Variants in NCOA6 observed in about 807,000 individuals in gnomAD.
The protein encoded by NCOA6 is nuclear receptor coactivator 6.
Under a neutral mutation model 171.4 loss-of-function variants are expected in NCOA6, and 49 were observed. The observed-to-expected ratio is 0.29, with a 90% CI of 0.23 to 0.36. NCOA6 has a LOEUF of 0.36. Among genes scored for constraint, NCOA6 ranks in the 10% least tolerant of loss-of-function variants. The pLI, the probability that NCOA6 is intolerant of heterozygous loss-of-function variation, is 1.00. For missense variants in NCOA6, 2,248 were observed against 2,554.5 expected (o/e 0.88, Z 2.59); for synonymous variants, 910 against 927.5 (o/e 0.98, Z 0.34).
At chr20:34,755,949 C>A (rs1291290793) in intron 7 of NCOA6, among the ~76,000 whole-genome samples, 1 of 152,112 alleles carries the variant, frequency 6.6e-6, no homozygotes, top group Non-Finnish European at 1.5e-5. Context: ...GTTGGCCAGG[C>A]TGGTCTCGAA....
intron 5 of NCOA6, among the ~76,000 whole-genome samples, chr20:34,766,223 A>G (rs946595772): frequency 6.6e-6 from 1 of 152,150 alleles, no homozygotes; most frequent in African/African-American, 2.4e-5. Context: ...ACTTTATACT[A>G]TATACATTAT....
intron 1 of NCOA6, among the ~76,000 whole-genome samples, chr20:34,796,061 A>G (rs976341801): frequency 3.0e-5 from 4 of 131,158 alleles, no homozygotes; most frequent in Admixed American, 2.6e-4. Flanking sequence ...CCTAGGCTAG[A>G]GTGCGGTGGC....
Position 34,736,769 on chromosome 20 carries a change from G to GA in NCOA6, c.5894-12dup, listed in dbSNP as rs750675133. The GA allele has an allele frequency of 3.1e-4, 492 of 1,574,296 alleles. No homozygotes were observed. The highest frequency in any genetic ancestry group is 6.0e-4 in the South Asian group (51 of 85,710). On this transcript the variant is annotated splice_polypyrimidine_tract_variant and intron_variant, in intron 11 of 14. Transcript: ENST00000359003. ...AATTCTGCGACGGGGCTAAGGCAAG[G>GA]AAAAAAAAATTACAGACCTTTTACT...
Position 34,743,293 on chromosome 20 carries a change from GGAGGCATCTGCTGA to G in NCOA6, c.2949_2962del (p.Gln984SerfsTer59). On this transcript the variant is annotated frameshift_variant, in exon 11 of 15. Coordinates refer to ENST00000359003, the MANE Select transcript of NCOA6 (RefSeq NM_014071.5). LOFTEE classifies it high-confidence loss of function. Reference sequence around the variant, plus strand: ...GGGTGCCACATGCTGCATGAGTTGAGGAGGCATCTGCTGAAGTGGCCTCTGTTCAACTGGTTGAG... The same window carrying G: ...GGGTGCCACATGCTGCATGAGTTGAGAGTGGCCTCTGTTCAACTGGTTGAG... 6.2e-7 allele frequency: 1 copy of G among 1,613,428 alleles called. No homozygotes were observed. Among genetic ancestry groups the G allele is most frequent in the Non-Finnish European group, 8.5e-7 (1 of 1,179,616 alleles).
intron 1 of NCOA6, among the ~76,000 whole-genome samples, chr20:34,821,809 G>A (rs1042691256): frequency 1.3e-5 from 2 of 152,028 alleles, no homozygotes; most frequent in Admixed American, 6.6e-5. Flanking sequence ...GGATGGTCTC[G>A]ATCTCCTGAC....
At chr20:34,740,166 A>AG (rs1350043123) in intron 11 of NCOA6, among the ~76,000 whole-genome samples, 197 bp downstream of exon 11, 1 of 152,188 alleles carries the variant, frequency 6.6e-6, no homozygotes, top group African/African-American at 2.4e-5. Context: ...CCTGGCCCTT[A>AG]GCTCTCTTTA....
chr20:34,717,011 A>AT (rs1253774404), intron 14 of NCOA6, among the ~76,000 whole-genome samples: 1 of 152,208 alleles, frequency 6.6e-6, no homozygotes, highest in Non-Finnish European at 1.5e-5. Context: ...ACTAGGCTGA[A>AT]TTTTCTGATA....
At chr20:34,815,601 T>C (rs1220064443) in intron 1 of NCOA6, among the ~76,000 whole-genome samples, 2 of 152,068 alleles carry the variant, frequency 1.3e-5, no homozygotes, top group African/African-American at 2.4e-5. Flanking sequence ...GAAGAATGGT[T>C]TGAAATCAAA....
intron 13 of NCOA6, among the ~76,000 whole-genome samples, chr20:34,730,018 T>A (rs1990420536): frequency 6.6e-6 from 1 of 152,046 alleles, no homozygotes; most frequent in African/African-American, 2.4e-5. Context: ...GGCTAGGAGC[T>A]CAGAAAATGG....
chr20:34,814,416 G>T (rs557294012), intron 1 of NCOA6, among the ~76,000 whole-genome samples: 1 of 152,100 alleles, frequency 6.6e-6, no homozygotes, highest in South Asian at 2.1e-4. Context: ...GAGTATTTTA[G>T]ACTTTGGTTG....
Position 34,776,483 on chromosome 20 carries a change from TC to T in NCOA6, c.236-36del, listed in dbSNP as rs764783985. On this transcript the variant is annotated intron_variant, in intron 3 of 14. Coordinates refer to ENST00000359003, the MANE Select transcript of NCOA6 (RefSeq NM_014071.5). ...GAAAGAAAAAGAATTATATTAATAA[TC>T]TTTTAGCCACCAGAGGAGATGGAAT... is the stretch of plus-strand genomic sequence containing the variant. The T allele has an allele frequency of 3.7e-6, 6 of 1,606,076 alleles. No homozygotes were observed. In the African/African-American group the frequency reaches 5.4e-5, roughly 14 times the overall value.
chr20:34,753,068 A>C (rs1458147383), intron 8 of NCOA6, among the ~76,000 whole-genome samples: 3 of 150,900 alleles, frequency 2.0e-5, no homozygotes, highest in Non-Finnish European at 4.4e-5. Context: ...TTTGAGATGA[A>C]GTCTCTCTCT....
intron 14 of NCOA6, among the ~76,000 whole-genome samples, chr20:34,721,595 T>C (rs1241636778): frequency 6.6e-6 from 1 of 152,152 alleles, no homozygotes; most frequent in Non-Finnish European, 1.5e-5. Context: ...CAGTTTACAG[T>C]AGGGTTCACA....
intron 3 of NCOA6, chr20:34,776,655 C>A: frequency 1.5e-6 from 1 of 676,000 alleles, no homozygotes; most frequent in Non-Finnish European, 2.6e-6. Context: ...GCTATTTAAC[C>A]TTTCTGAAAC....
rs182942444 is a variant in NCOA6 at position 34,791,855 on chromosome 20, T to C, written c.-50+595A>G. Among the ~76,000 whole-genome samples the C allele has an allele frequency of 6.9e-4, 105 of 152,258 alleles. 1 individual carries two copies. The highest frequency in any genetic ancestry group is 2.4e-3 in the African/African-American group (99 of 41,550). On this transcript the variant is annotated intron_variant, in intron 2 of 14. Coordinates refer to ENST00000359003, the MANE Select transcript of NCOA6 (RefSeq NM_014071.5). ...GGGCAGGGAGATGATGCAAAAATGT[T>C]CTAATATTAGCAACTTCTCATGGGC...
chr20:34,764,416 G>A (rs1298769305), intron 5 of NCOA6, among the ~76,000 whole-genome samples: 53 of 152,088 alleles, frequency 3.5e-4, no homozygotes, highest in Admixed American at 3.1e-3. Flanking sequence ...GTTATAGGCC[G>A]GACGCGGTGG....
Position 34,740,531 on chromosome 20 carries a change from C to T in NCOA6, c.5725G>A (p.Ala1909Thr). The T allele has an allele frequency of 6.2e-7, 1 of 1,613,980 alleles. No individual in the cohort carries two copies. The highest frequency in any genetic ancestry group is 8.5e-7 in the Non-Finnish European group (1 of 1,179,850). ...ATCGAGCGTACACTGGTGGGGAGAG[C>T]ACCGCCAGGTAAGCTGGGTCCTGCT... is the stretch of plus-strand genomic sequence containing the variant. ...ASAGPSLPGG[A>T]LPTSVRSIVT... Residue 1909 changes from alanine to threonine, a missense_variant, in exon 11 of 15, where the codon GCT (alanine) becomes ACT (threonine). Transcript: ENST00000359003.
chr20:34,780,358 ATTTATT>A (rs1460021986), intron 3 of NCOA6, among the ~76,000 whole-genome samples: 1 of 151,906 alleles, frequency 6.6e-6, no homozygotes, highest in Non-Finnish European at 1.5e-5. Flanking sequence ...GTTATTTTTT[ATTTATT>A]TTTATTTTTT....
rs535388832 is a variant in NCOA6 at position 34,750,369 on chromosome 20, A to G, written c.1826T>C (p.Met609Thr). 2 of 1,614,044 alleles carry G rather than the reference A, an allele frequency of 1.2e-6. No individual in the cohort carries two copies. The highest frequency in any genetic ancestry group is 1.1e-5 in the South Asian group (1 of 91,070). The change falls in exon 9 of 15, where the codon ATG becomes ACG. Residue 609 changes from methionine (M) to threonine (T), a missense_variant. Met to Thr is a moderately conservative substitution (Grantham distance 81). Transcript: ENST00000359003. ...TGGGCCCTGCTGGGGCTGGCCTTGC[A>G]TGTTGCTGAGGTTCACTTGAGGAAC... ...SGVPQVNLSN[M>T]QGQPQQGPPS... is the part of the protein sequence containing the mutation.
Sources: allele counts gnomAD v4.1 joint callset (sites outside exome capture counted in the v4.1 genomes callset), GRCh38; gene constraint gnomAD v4.1.1; transcripts MANE v1.5; gene names NCBI Gene and HGNC (gene_info 2026-07-23, HGNC 2026-07-21).